THSD7A: variants seen among roughly 807,000 people sequenced by gnomAD.
THSD7A encodes the protein thrombospondin type-1 domain-containing protein 7A.
A neutral mutation model predicts 231.3 loss-of-function variants in THSD7A; 96 were observed. That is an observed-to-expected ratio of 0.41 (90% CI 0.35 to 0.49). The LOEUF (loss-of-function observed/expected upper bound fraction) is 0.49. Among genes scored for constraint, THSD7A ranks in the 20% least tolerant of loss-of-function variants. The pLI is 0.05. For missense variants in THSD7A, 2,290 were observed against 2,070.2 expected (o/e 1.11, Z -2.06); for synonymous variants, 940 against 743.3 (o/e 1.26, Z -4.30).
chr7:11,584,068 A>C (rs1791286485), intron 4 of THSD7A, among the ~76,000 whole-genome samples: 1 of 152,090 alleles, frequency 6.6e-6, no homozygotes, highest in African/African-American at 2.4e-5. Flanking sequence ...TCTCTGGCTA[A>C]AGTTTCTGTG....
At chr7:11,485,740 G>T (rs1786630331) in intron 6 of THSD7A, among the ~76,000 whole-genome samples, 1 of 152,122 alleles carries the variant, frequency 6.6e-6, no homozygotes, top group African/African-American at 2.4e-5. Flanking sequence ...ATAAGGCTTT[G>T]CCTCCAAAGA....
intron 1 of THSD7A, among the ~76,000 whole-genome samples, chr7:11,710,381 C>T (rs898603659): frequency 4.6e-5 from 7 of 150,924 alleles, no homozygotes; most frequent in Non-Finnish European, 1.0e-4. Flanking sequence ...GAGTTAGATT[C>T]CCAATAACTC....
At chr7:11,488,569 T>C (rs963765888) in intron 6 of THSD7A, among the ~76,000 whole-genome samples, 1 of 152,126 alleles carries the variant, frequency 6.6e-6, no homozygotes, top group African/African-American at 2.4e-5. Flanking sequence ...GCATTATTTT[T>C]GCTACCATAT....
chr7:11,782,782 A>AT (rs1285746014), intron 1 of THSD7A, among the ~76,000 whole-genome samples: 3 of 151,544 alleles, frequency 2.0e-5, no homozygotes, highest in Admixed American at 6.6e-5. Context: ...AGTTAAATGA[A>AT]TTTTTTTTTA....
intron 2 of THSD7A, among the ~76,000 whole-genome samples, chr7:11,598,953 G>A (rs761197176): frequency 6.6e-6 from 1 of 152,142 alleles, no homozygotes. Context: ...AACTCAACAG[G>A]CTAAGAAGGG....
intron 6 of THSD7A, among the ~76,000 whole-genome samples, chr7:11,487,574 A>G (rs113494635): frequency 0.14 from 20,687 of 152,154 alleles, 1,575 homozygotes; most frequent in Middle Eastern, 0.19. Context: ...GATATACCCA[A>G]GACTGGGTAA....
chr7:11,815,667 G>T (rs1784669840), intron 1 of THSD7A, among the ~76,000 whole-genome samples: 1 of 152,020 alleles, frequency 6.6e-6, no homozygotes, highest in South Asian at 2.1e-4. Context: ...TCATTTAGAT[G>T]AACAATCATA....
chr7:11,586,450 G>T (rs930605604), intron 4 of THSD7A, among the ~76,000 whole-genome samples: 1 of 152,092 alleles, frequency 6.6e-6, no homozygotes, highest in Admixed American at 6.5e-5. Context: ...GCGACACATG[G>T]TTCCCTTATA....
At chr7:11,518,174 C>T (rs1223249336) in intron 6 of THSD7A, among the ~76,000 whole-genome samples, 2 of 152,084 alleles carry the variant, frequency 1.3e-5, no homozygotes, top group Admixed American at 6.6e-5. Context: ...CTTGCTTTCC[C>T]CACATTATGT....
chr7:11,456,283 T>C lies in THSD7A; in HGVS notation c.2605+4379A>G, dbSNP rs148819783. On this transcript the variant is annotated intron_variant, in intron 11 of 27. Transcript: ENST00000423059. ...GAATGTTTTTCTCTCTTGTCTTCCA[T>C]AGCCCATGTATTTTCTGGTTTCACC... is the stretch of plus-strand genomic sequence containing the variant. Among the ~76,000 whole-genome samples the C allele has an allele frequency of 3.2e-4, 48 of 152,176 alleles. No individual in the cohort carries two copies. The South Asian group carries it at 3.5e-3, about 11-fold the overall frequency.
At chr7:11,780,946 G>T (rs369950817) in intron 1 of THSD7A, among the ~76,000 whole-genome samples, 3 of 122,688 alleles carry the variant, frequency 2.4e-5, no homozygotes, top group East Asian at 5.4e-4. Flanking sequence ...AGCCGAGATT[G>T]CGCCACTGCA....
chr7:11,397,903 G>A (rs1167067259), intron 23 of THSD7A, among the ~76,000 whole-genome samples: 1 of 152,180 alleles, frequency 6.6e-6, no homozygotes, highest in African/African-American at 2.4e-5. Context: ...GGAAACAATG[G>A]ATGCTAGAGA....
At chr7:11,539,881 A>G (rs1291177267) in intron 6 of THSD7A, among the ~76,000 whole-genome samples, 2 of 152,186 alleles carry the variant, frequency 1.3e-5, no homozygotes, top group Non-Finnish European at 2.9e-5. Context: ...TAATTCCTCT[A>G]TAGGACTATG....
intron 4 of THSD7A, among the ~76,000 whole-genome samples, chr7:11,560,326 G>T (rs1342014817): frequency 2.0e-5 from 3 of 152,114 alleles, no homozygotes; most frequent in Non-Finnish European, 2.9e-5. Flanking sequence ...ATGCTTTTAG[G>T]GGCTGGCCTG....
intron 6 of THSD7A, among the ~76,000 whole-genome samples, chr7:11,491,517 T>C (rs1786893601): frequency 6.6e-6 from 1 of 152,092 alleles, no homozygotes; most frequent in Admixed American, 6.6e-5. Context: ...AGGCATCTTC[T>C]AGCAGGAAGA....
intron 1 of THSD7A, among the ~76,000 whole-genome samples, chr7:11,753,356 T>C (rs1782567188): frequency 1.3e-5 from 2 of 152,102 alleles, no homozygotes; most frequent in Non-Finnish European, 2.9e-5. Flanking sequence ...AACTCGCTGG[T>C]ATGCATTATT....
chr7:11,510,759 T>C (rs542989472), intron 6 of THSD7A, among the ~76,000 whole-genome samples: 55 of 152,258 alleles, frequency 3.6e-4, no homozygotes, highest in African/African-American at 1.3e-3. Flanking sequence ...AAACTAGGTA[T>C]TGATGGAACG....
intron 2 of THSD7A, among the ~76,000 whole-genome samples, chr7:11,594,176 C>T (rs560643559): frequency 2.0e-5 from 3 of 152,310 alleles, no homozygotes; most frequent in Non-Finnish European, 4.4e-5. Flanking sequence ...ACATCAGACT[C>T]CAAGTTCTTC....
intron 4 of THSD7A, among the ~76,000 whole-genome samples, chr7:11,546,736 C>T (rs1221508832): frequency 6.6e-6 from 1 of 151,996 alleles, no homozygotes; most frequent in Non-Finnish European, 1.5e-5. Context: ...GCTAAAATGA[C>T]AGAGATGGAA....
Sources: allele counts gnomAD v4.1 joint callset (sites outside exome capture counted in the v4.1 genomes callset), GRCh38; gene constraint gnomAD v4.1.1; transcripts MANE v1.5; gene names NCBI Gene and HGNC (gene_info 2026-07-23, HGNC 2026-07-21).